The following SVIL variants were observed in gnomAD, a reference collection of about 807,000 sequenced individuals.
SVIL encodes archvillin.
Under a neutral mutation model 240.4 loss-of-function variants are expected in SVIL, and 101 were observed. That is an observed-to-expected ratio of 0.42 (90% CI 0.36 to 0.50). SVIL has a LOEUF of 0.50. Ranked by LOEUF, SVIL falls within the 20% of genes least tolerant of loss-of-function variation. The pLI is 0.01. For synonymous variants in SVIL, 999 were observed against 1,100.0 expected (o/e 0.91, Z 1.82); for missense variants, 2,512 against 2,818.7 (o/e 0.89, Z 2.46).
intron 6 of SVIL, among the ~76,000 whole-genome samples, chr10:29,539,181 A>T (rs533888998): frequency 6.6e-6 from 1 of 152,074 alleles, no homozygotes; most frequent in South Asian, 2.1e-4. Context: ...ATAAATAAAT[A>T]AATAAATAAA....
intron 15 of SVIL, among the ~76,000 whole-genome samples, 169 bp from the exon 16 acceptor site, chr10:29,522,804 C>T (rs1950649371): frequency 6.6e-6 from 1 of 152,194 alleles, no homozygotes; most frequent in Admixed American, 6.5e-5. Context: ...TGTGAGAAAA[C>T]CAAACTTCCT....
intron 6 of SVIL, among the ~76,000 whole-genome samples, chr10:29,539,854 A>G (rs1439754486): frequency 6.6e-6 from 1 of 152,182 alleles, no homozygotes; most frequent in East Asian, 1.9e-4. Flanking sequence ...AGTCTTCCCT[A>G]TGCCAAATCC....
At chr10:29,570,497 A>G (rs897524122) in intron 1 of SVIL, among the ~76,000 whole-genome samples, 44 of 152,250 alleles carry the variant, frequency 2.9e-4, no homozygotes, top group Non-Finnish European at 5.6e-4. Context: ...CAGTAGTTAC[A>G]TTGAAAGCAT....
chr10:29,524,511 G>A lies in SVIL; in HGVS notation c.2547C>T (p.Arg849=). ...CCAGTGTGACTGGCTGAGTTTGATA[G>A]CGAGCGTTCATTCTCCTCTGTCTCG... The part of the protein sequence containing the change: ...IDTRQRRMNA[R]YQTQPVTLGE... Residue 849 remains arginine, a synonymous_variant, in exon 14 of 38, where the codon CGC becomes CGT. Coordinates refer to ENST00000355867, the MANE Select transcript of SVIL (RefSeq NM_021738.3). 6.2e-7 allele frequency: 1 copy of A among 1,614,196 alleles called. No homozygotes were observed. Among genetic ancestry groups the A allele is most frequent in the Middle Eastern group, 1.7e-4 (1 of 6,058 alleles).
intron 1 of SVIL, among the ~76,000 whole-genome samples, chr10:29,700,468 C>CT (rs71281545): frequency 0.028 from 3,149 of 113,038 alleles, 182 homozygotes; most frequent in African/African-American, 0.094. Context: ...TTACTATTTC[C>CT]TTTTTTTTTT....
rs1944217354 is a variant in SVIL, at chr10:29,461,203, G to A, written c.6402+1074C>T. Among the ~76,000 whole-genome samples, 4 of 152,320 alleles carry A rather than the reference G, an allele frequency of 2.6e-5. No individual in the cohort carries two copies. In the South Asian group the frequency reaches 8.3e-4, roughly 32 times the overall value. ...TGTAGTGAGCAATAAGCCCTGGACT[G>A]AACCCCTGGCAATTTGGTAACTCCT... On this transcript the variant is annotated intron_variant, in intron 36 of 37. Coordinates refer to ENST00000355867, the MANE Select transcript of SVIL (RefSeq NM_021738.3).
chr10:29,684,223 T>A (rs1004018027), intron 2 of SVIL, among the ~76,000 whole-genome samples: 2 of 152,262 alleles, frequency 1.3e-5, no homozygotes, highest in East Asian at 1.9e-4. Flanking sequence ...GTTTCTATAG[T>A]GTGAACCAAA....
chr10:29,735,312 C>T lies in SVIL; in HGVS notation c.-400+439G>A, dbSNP rs1266291675. ...CTTGCGGCTGGTGTCGGGAAAGGAACCGGGCGATGTCGTAGTTCTGATCAC... is the reference window on the plus strand; with the variant it reads ...CTTGCGGCTGGTGTCGGGAAAGGAATCGGGCGATGTCGTAGTTCTGATCAC... On this transcript the variant is annotated intron_variant, in intron 1 of 35. Transcript: ENST00000375400. This position sits in a 1 kb window ranked among gnomAD's most constrained non-coding sequence, Gnocchi z 4.1. Among the ~76,000 whole-genome samples the T allele has an allele frequency of 6.6e-6, 1 of 152,032 alleles. No homozygotes were observed. Among genetic ancestry groups the T allele is most frequent in the African/African-American group, 2.4e-5 (1 of 41,418 alleles).
rs536674343 is a variant in SVIL, at chr10:29,704,653, T to C, written c.-399-18002A>G. 1.7e-4 allele frequency among the ~76,000 whole-genome samples: 26 copies of C among 152,298 alleles called. No homozygotes were observed. The South Asian group carries it at 5.2e-3, about 30-fold the overall frequency. On this transcript the variant is annotated intron_variant, in intron 1 of 35. Coordinates refer to the SVIL transcript ENST00000375400. ...TCTCAGTTTATTGATCATTTGATCA[T>C]TTCCCCCCGCAAATTGTTCCCTTCA...
At position 29,554,789 on chromosome 10, in the gene SVIL, G is replaced by T. The variant is rs1485800429; in HGVS notation, c.154C>A (p.His52Asn). The T allele has an allele frequency of 1.9e-6, 3 of 1,596,292 alleles. No individual in the cohort carries two copies. Among genetic ancestry groups the T allele is most frequent in the Non-Finnish European group, 8.5e-7 (1 of 1,172,424 alleles). ...YMRASDPASP[H>N]IGRSNEEEET... ...CACCCAGCTCCACGCTCACCGATGT[G>T]GGGGCTGGCAGGGTCGCTGGCTCTC... Residue 52 changes from histidine (H) to asparagine (N), a missense_variant, in exon 5 of 38, where the codon CAC becomes AAC. This residue lies in a region of SVIL where 1,443 missense variants were observed against 1,486.6 expected (regional missense o/e 0.97). Coordinates refer to ENST00000355867, the MANE Select transcript of SVIL (RefSeq NM_021738.3).
intron 16 of SVIL, among the ~76,000 whole-genome samples, chr10:29,514,725 G>T (rs1256878984): frequency 6.6e-6 from 1 of 152,048 alleles, no homozygotes; most frequent in Non-Finnish European, 1.5e-5. Flanking sequence ...TCCCAATTTG[G>T]CTACTCCCTT....
intron 1 of SVIL, among the ~76,000 whole-genome samples, chr10:29,686,993 C>T (rs936029336): frequency 6.6e-5 from 10 of 152,170 alleles, no homozygotes; most frequent in African/African-American, 1.7e-4. Context: ...AAACTCCTTA[C>T]GCAAAATAAA....
rs189780909 is a variant in SVIL, at chr10:29,607,180, G to A, written c.-201+27240C>T. The stretch of plus-strand genomic sequence containing the variant: ...TTTATTGGGCAATCTAGTTTTCTTC[G>A]TTGACTTTAAATGACACGTTTCAAA... On this transcript the variant is annotated intron_variant, in intron 1 of 37. Transcript: ENST00000355867. 2.9e-4 allele frequency among the ~76,000 whole-genome samples: 44 copies of A among 152,238 alleles called. No individual in the cohort carries two copies. In the East Asian group the frequency reaches 3.9e-3, roughly 13 times the overall value.
chr10:29,702,461 G>A (rs533110907), intron 1 of SVIL, among the ~76,000 whole-genome samples: 102 of 152,232 alleles, frequency 6.7e-4, no homozygotes, highest in African/African-American at 2.4e-3. Context: ...GAGCAGCCAC[G>A]GGCTCTGTGT....
intron 30 of SVIL, chr10:29,473,624 T>C: frequency 1.6e-6 from 1 of 615,780 alleles, no homozygotes; most frequent in Non-Finnish European, 2.8e-6. Context: ...AGATACAACA[T>C]TTTCTCCAGG....
intron 1 of SVIL, among the ~76,000 whole-genome samples, chr10:29,690,037 T>C (rs1325220579): frequency 6.6e-6 from 1 of 152,228 alleles, no homozygotes; most frequent in Non-Finnish European, 1.5e-5. Flanking sequence ...GATTTTAGTA[T>C]TTAAAAATCT....
chr10:29,546,260 T>C (rs1952675603), intron 6 of SVIL, among the ~76,000 whole-genome samples: 1 of 152,194 alleles, frequency 6.6e-6, no homozygotes, highest in Non-Finnish European at 1.5e-5. Context: ...CTCCAGCAAA[T>C]AATACCATTT....
At position 29,512,751 on chromosome 10, in the gene SVIL, C is replaced by A; in HGVS notation, c.3500G>T (p.Arg1167Leu). 6.2e-7 allele frequency: 1 copy of A among 1,614,044 alleles called. No individual in the cohort carries two copies. Among genetic ancestry groups the A allele is most frequent in the Non-Finnish European group, 8.5e-7 (1 of 1,180,048 alleles). ...ASSLHTQEAG[R>L]SLIKKRVTES... is the part of the protein sequence containing the mutation. ...GAATGTTACCTTCTTGATGAGGGAC[C>A]GCCCTGCTTCCTGGGTGTGCAGGCT... Residue 1167 changes from arginine (R) to leucine (L), a missense_variant, in exon 17 of 38, where the codon CGG becomes CTG. Physicochemically the swap from Arg to Leu is moderately radical, Grantham distance 102 (BLOSUM62 -2). Coordinates refer to ENST00000355867, the MANE Select transcript of SVIL (RefSeq NM_021738.3).
intron 2 of SVIL, among the ~76,000 whole-genome samples, chr10:29,676,239 C>T (rs1359219362): frequency 6.6e-6 from 1 of 152,220 alleles, no homozygotes; most frequent in Non-Finnish European, 1.5e-5. Flanking sequence ...TACTGATTAT[C>T]TCAGTGATTG....
Sources: gnomAD v4.1 joint callset for allele counts (sites outside exome capture counted in the v4.1 genomes callset) on GRCh38, gnomAD v4.1.1 for gene constraint, gnomAD v4.1.1 regional missense constraint, Gnocchi (gnomAD v3.1) non-coding constraint, MANE v1.5 for transcripts, NCBI Gene and HGNC (gene_info 2026-07-23, HGNC 2026-07-21) for gene names.